The following PER2 variants were observed in gnomAD, a reference collection of about 807,000 sequenced individuals.
The protein encoded by PER2 is period circadian regulator 2, also known as period circadian protein homolog 2.
A neutral mutation model predicts 121.0 loss-of-function variants in PER2; 66 were observed. That is an observed-to-expected ratio of 0.55 (90% CI 0.45 to 0.67). The LOEUF (loss-of-function observed/expected upper bound fraction) is 0.67, where lower values mean the gene tolerates loss of function less well. Among genes scored for constraint, PER2 ranks in the 30% least tolerant of loss-of-function variants. PER2 has a pLI of 0.00. For missense variants in PER2, 1,521 were observed against 1,635.0 expected (o/e 0.93, Z 1.20); for synonymous variants, 684 against 659.9 (o/e 1.04, Z -0.56).
At chr2:238,261,030 C>A in intron 12 of PER2, 77 bp from the exon 13 acceptor site, 2 of 1,552,528 alleles carry the variant, frequency 1.3e-6, no homozygotes, top group Non-Finnish European at 8.8e-7. Flanking sequence ...CCAACACACC[C>A]TGTTTCGCAG....
intron 13 of PER2, among the ~76,000 whole-genome samples, chr2:238,260,395 T>C (rs930141801): frequency 6.6e-6 from 1 of 152,044 alleles, no homozygotes; most frequent in African/African-American, 2.4e-5. Context: ...TAGCTGGGAT[T>C]ACAGGGGCGC....
chr2:238,288,823 C>T (rs1177017795), upstream of PER2, among the ~76,000 whole-genome samples: 1 of 152,048 alleles, frequency 6.6e-6, no homozygotes, highest in East Asian at 1.9e-4. Flanking sequence ...GCGCGCCGCG[C>T]CCGCCCCCGG....
At position 238,246,276 on chromosome 2, in the gene PER2, A is replaced by C. The variant is rs536228012; in HGVS notation, c.*99T>G. ...AAAACAAAAAAAGCAACATGAGCAT[A>C]TGTGTCCATTTCAGTGGAAACAGCC... On this transcript the variant is annotated 3_prime_UTR_variant, in exon 23 of 23. Transcript: ENST00000254657. 2 of 850,910 alleles carry C rather than the reference A, an allele frequency of 2.4e-6. No individual in the cohort carries two copies. The highest frequency in any genetic ancestry group is 3.9e-5 in the South Asian group (2 of 50,666). 52.7% of individuals were successfully genotyped at this position (850,910 alleles called of 1,614,324 possible).
Position 238,255,745 on chromosome 2 carries a change from C to T in PER2, c.2232G>A (p.Lys744=). 1 of 1,614,252 alleles carries T rather than the reference C, an allele frequency of 6.2e-7. No individual in the cohort carries two copies. ...TQKEEQSFLQ[K]FKEIRKLSIF... Reference sequence around the variant, plus strand: ...TGCTGAGTTTTCTTATTTCTTTGAACTTCTGCAGGAAGCTCTGCTCCTCCT... The same window carrying T: ...TGCTGAGTTTTCTTATTTCTTTGAATTTCTGCAGGAAGCTCTGCTCCTCCT... The change falls in exon 18 of 23, where the codon AAG becomes AAA. Residue 744 remains lysine, a synonymous_variant. Transcript: ENST00000254657.
Sources: gnomAD v4.1 joint callset for allele counts (sites outside exome capture counted in the v4.1 genomes callset) on GRCh38, gnomAD v4.1.1 for gene constraint, MANE v1.5 for transcripts, NCBI Gene and HGNC (gene_info 2026-07-23, HGNC 2026-07-21) for gene names.